PRKCE: variants seen among roughly 807,000 people sequenced by gnomAD.
The protein encoded by PRKCE is protein kinase C epsilon.
In PRKCE, 16 loss-of-function variants were observed where a neutral mutation model predicts 85.4. The observed-to-expected ratio is 0.19, with a 90% confidence interval of 0.13 to 0.28. PRKCE has a LOEUF of 0.28. PRKCE is among the 10% of genes least tolerant of loss of function. The pLI, the probability that PRKCE is intolerant of heterozygous loss-of-function variation, is 1.00. For synonymous variants in PRKCE, 388 were observed against 371.5 expected, an observed-to-expected ratio of 1.04 and a Z score of -0.51; for missense variants, 573 against 975.2, an observed-to-expected ratio of 0.59 and a Z score of 5.49.
chr2:46,025,252 T>TA (rs537784681), intron 10 of PRKCE, among the ~76,000 whole-genome samples: 195 of 152,300 alleles, frequency 1.3e-3, no homozygotes, highest in Non-Finnish European at 1.9e-3. Flanking sequence ...CCTGAAGTGT[T>TA]AAAAAACAGC....
chr2:45,817,848 G>A (rs1210129626), intron 1 of PRKCE, among the ~76,000 whole-genome samples: 2 of 152,158 alleles, frequency 1.3e-5, no homozygotes, highest in East Asian at 1.9e-4. Context: ...CTCTCTCTCT[G>A]CCTGCCCTCT....
chr2:45,806,047 C>G (rs1229174381), intron 1 of PRKCE, among the ~76,000 whole-genome samples: 1 of 152,224 alleles, frequency 6.6e-6, no homozygotes, highest in Non-Finnish European at 1.5e-5. Context: ...TAACTCAATA[C>G]ATCCTTGCTG....
intron 5 of PRKCE, 105 bp downstream of exon 5, chr2:45,980,486 T>C (rs1702800911): frequency 9.5e-7 from 1 of 1,049,048 alleles, no homozygotes; most frequent in Admixed American, 2.0e-5. Flanking sequence ...TGAGACCCTG[T>C]CATTTCATTG....
intron 1 of PRKCE, among the ~76,000 whole-genome samples, chr2:45,822,442 T>G (rs1296323605): frequency 2.0e-5 from 3 of 152,178 alleles, no homozygotes; most frequent in Admixed American, 2.0e-4. Flanking sequence ...CCCTCTGGGG[T>G]GGCCCAGGTC....
chr2:45,874,049 T>G (rs1694289951), intron 2 of PRKCE, among the ~76,000 whole-genome samples: 2 of 152,168 alleles, frequency 1.3e-5, no homozygotes. Flanking sequence ...CATAGCAATG[T>G]GAGGAGGGTT....
intron 2 of PRKCE, among the ~76,000 whole-genome samples, chr2:45,936,498 C>A (rs1207749159): frequency 6.6e-6 from 1 of 152,196 alleles, no homozygotes; most frequent in East Asian, 1.9e-4. Context: ...CTGTCCTCCT[C>A]CTCCAGGTTT....
intron 5 of PRKCE, among the ~76,000 whole-genome samples, chr2:45,984,135 A>C (rs1226381396): frequency 6.6e-6 from 1 of 151,864 alleles, no homozygotes; most frequent in South Asian, 2.1e-4. Context: ...ACAGGGTTTC[A>C]CCATGTTGGC....
intron 10 of PRKCE, among the ~76,000 whole-genome samples, chr2:46,032,391 C>T (rs953882332): frequency 6.6e-6 from 1 of 152,174 alleles, no homozygotes; most frequent in Non-Finnish European, 1.5e-5. Context: ...AGCCCTGGCA[C>T]CCAGCTTCCG....
chr2:45,672,064 C>CAAA (rs3068989), intron 1 of PRKCE, among the ~76,000 whole-genome samples: 1,837 of 95,308 alleles, frequency 0.019, 18 homozygotes, highest in Non-Finnish European at 0.03. Context: ...CCCCCTGTCT[C>CAAA]AAAAAAAAAA....
rs186181933 is a variant in PRKCE at position 45,970,379 on chromosome 2, T to C, written c.413-6050T>C. Among the ~76,000 whole-genome samples, 30 of 152,348 alleles carry C rather than the reference T, an allele frequency of 2.0e-4. No homozygotes were observed. The East Asian group carries it at 5.6e-3, about 28-fold the overall frequency. On this transcript the variant is annotated intron_variant, in intron 2 of 14. Transcript: ENST00000306156. ...AAGCTATTATCTATGGGGATCTTGA[T>C]ATATATATTTCAATTTGTTGATACA...
rs1347810440 is a variant in PRKCE at position 46,004,371 on chromosome 2, G to A, written c.967-171G>A. 5 of 589,826 alleles carry A rather than the reference G, an allele frequency of 8.5e-6. No individual in the cohort carries two copies. The highest frequency in any genetic ancestry group is 7.5e-5 in the African/African-American group (4 of 53,592). The allele number at this position is 589,826 out of a possible 1,614,324, so 36.5% of individuals were successfully genotyped here. ...TCTGGTCAGACGTCACAGAGGGATC[G>A]AACTTCATTTTGGCTACTTTGGCGA... is the stretch of plus-strand genomic sequence containing the variant. On this transcript the variant is annotated intron_variant, in intron 7 of 14. Transcript: ENST00000306156. The surrounding 1 kb of genome is among the most constrained non-coding windows in gnomAD (Gnocchi z 4.1).
rs1026454143 is a variant in PRKCE, at chr2:45,905,254, G to A, written c.412+62191G>A. Among the ~76,000 whole-genome samples, 6 of 152,152 alleles carry A rather than the reference G, an allele frequency of 3.9e-5. No homozygotes were observed. Among genetic ancestry groups the A allele is most frequent in the Admixed American group, 6.5e-5 (1 of 15,276 alleles). On this transcript the variant is annotated intron_variant, in intron 2 of 14. Coordinates refer to ENST00000306156, the MANE Select transcript of PRKCE (RefSeq NM_005400.3). The surrounding 1 kb of genome is among the most constrained non-coding windows in gnomAD (Gnocchi z 4.4). ...TGGCTGGCTCTCCAACATAGCCCAC[G>A]CTAACCCAGTTTTGGAATCTGGTAG...
chr2:45,881,279 C>A (rs1337005404), intron 2 of PRKCE, among the ~76,000 whole-genome samples: 3 of 152,222 alleles, frequency 2.0e-5, no homozygotes, highest in East Asian at 3.9e-4. Context: ...GAAATTAAGG[C>A]AATCCATATA....
intron 11 of PRKCE, among the ~76,000 whole-genome samples, chr2:46,114,457 G>T (rs1037286750): frequency 9.6e-6 from 1 of 104,490 alleles, no homozygotes; most frequent in African/African-American, 3.9e-5. Flanking sequence ...TTGCTCTGTC[G>T]CCCAGCCTGG....
At chr2:45,962,376 G>A (rs1030956370) in intron 2 of PRKCE, among the ~76,000 whole-genome samples, 7 of 152,158 alleles carry the variant, frequency 4.6e-5, no homozygotes, top group East Asian at 1.9e-4. Flanking sequence ...GAATTTGGTC[G>A]CTACTTTTAC....
chr2:45,965,154 T>C (rs965030270), intron 2 of PRKCE, among the ~76,000 whole-genome samples: 3 of 152,230 alleles, frequency 2.0e-5, no homozygotes, highest in African/African-American at 7.2e-5. Context: ...GAATAATCTC[T>C]CTGAGGGAAT....
intron 14 of PRKCE, among the ~76,000 whole-genome samples, chr2:46,178,203 T>A (rs1175709378): frequency 6.6e-6 from 1 of 152,184 alleles, no homozygotes; most frequent in African/African-American, 2.4e-5. Flanking sequence ...GAGGTTGCAG[T>A]GAGCCAAGAT....
At chr2:45,703,951 A>C (rs1012380997) in intron 1 of PRKCE, among the ~76,000 whole-genome samples, 5 of 152,242 alleles carry the variant, frequency 3.3e-5, no homozygotes, top group African/African-American at 1.2e-4. Flanking sequence ...AAATGGGTAG[A>C]GTAATGCAGA....
At chr2:46,183,625 C>T (rs974845462) in intron 14 of PRKCE, among the ~76,000 whole-genome samples, 4 of 152,192 alleles carry the variant, frequency 2.6e-5, no homozygotes, top group African/African-American at 9.7e-5. Context: ...ATCCCCATGC[C>T]GCACTCTGCC....
Sources: allele counts gnomAD v4.1 joint callset (sites outside exome capture counted in the v4.1 genomes callset), GRCh38; gene constraint gnomAD v4.1.1; non-coding constraint Gnocchi (gnomAD v3.1); transcripts MANE v1.5; gene names NCBI Gene and HGNC (gene_info 2026-07-23, HGNC 2026-07-21).